PRKCA: variants seen among roughly 807,000 people sequenced by gnomAD.
PRKCA encodes the protein protein kinase C alpha type.
In PRKCA, 27 loss-of-function variants were observed where a neutral mutation model predicts 87.0. The observed-to-expected ratio is 0.31, with a 90% CI of 0.23 to 0.43. The LOEUF (loss-of-function observed/expected upper bound fraction) is 0.43. PRKCA is among the 20% of genes least tolerant of loss of function. PRKCA has a pLI of 1.00. For synonymous variants in PRKCA, 329 were observed against 311.1 expected (o/e 1.06, Z -0.61); for missense variants, 518 against 852.3 (o/e 0.61, Z 4.88).
chr17:66,512,373 C>T (rs747419082), intron 3 of PRKCA, among the ~76,000 whole-genome samples: 7 of 151,964 alleles, frequency 4.6e-5, no homozygotes, highest in African/African-American at 4.8e-5. Context: ...ACCTGGGAGG[C>T]GGATGTTGCA....
At chr17:66,353,155 C>G (rs1907852314) in intron 2 of PRKCA, among the ~76,000 whole-genome samples, 1 of 152,136 alleles carries the variant, frequency 6.6e-6, no homozygotes. Context: ...ATAAAGTCCC[C>G]TGGTTAAAGG....
intron 2 of PRKCA, among the ~76,000 whole-genome samples, chr17:66,384,633 A>G (rs1385401031): frequency 1.3e-5 from 2 of 149,896 alleles, no homozygotes; most frequent in African/African-American, 4.9e-5. Flanking sequence ...ACCTTAAATG[A>G]CTTTTTTTTT....
chr17:66,544,278 C>T (rs1968082565), intron 3 of PRKCA, among the ~76,000 whole-genome samples: 1 of 151,988 alleles, frequency 6.6e-6, no homozygotes, highest in Non-Finnish European at 1.5e-5. Context: ...AGAAGACCCC[C>T]ATGTAGTTCA....
intron 13 of PRKCA, among the ~76,000 whole-genome samples, chr17:66,765,422 A>ATATCTATATATCTATATATATATATATC (rs1568020882): frequency 9.7e-6 from 1 of 102,580 alleles, no homozygotes; most frequent in Non-Finnish European, 2.0e-5. Flanking sequence ...CTTTGTCTAT[A>ATATCTATATATCTATATATATATATATC]TATATATATA....
At chr17:66,729,084 C>T (rs960381887) in intron 8 of PRKCA, among the ~76,000 whole-genome samples, 1 of 152,146 alleles carries the variant, frequency 6.6e-6, no homozygotes, top group South Asian at 2.1e-4. Flanking sequence ...GTATTCTCAT[C>T]TCAAATTTGC....
intron 2 of PRKCA, among the ~76,000 whole-genome samples, chr17:66,427,173 A>C (rs1598662695): frequency 6.6e-6 from 1 of 152,140 alleles, no homozygotes; most frequent in Non-Finnish European, 1.5e-5. Context: ...CTGGGACTAC[A>C]GGTGTGTGCC....
intron 2 of PRKCA, among the ~76,000 whole-genome samples, chr17:66,427,220 C>T (rs921331715): frequency 1.2e-4 from 18 of 152,052 alleles, no homozygotes; most frequent in African/African-American, 4.3e-4. Flanking sequence ...CTCGTAGAGA[C>T]GAGGTTTTGC....
chr17:66,472,734 T>C (rs1915375538), intron 2 of PRKCA, among the ~76,000 whole-genome samples: 1 of 152,176 alleles, frequency 6.6e-6, no homozygotes, highest in Non-Finnish European at 1.5e-5. Flanking sequence ...TTGGAAAAGA[T>C]CTTTTGGGAT....
chr17:66,310,467 A>G (rs1023504307), intron 2 of PRKCA, among the ~76,000 whole-genome samples: 12 of 152,158 alleles, frequency 7.9e-5, no homozygotes, highest in Non-Finnish European at 1.3e-4. Context: ...TTTCCCTGCT[A>G]AGAACATAAC....
At chr17:66,316,258 T>C (rs1265810599) in intron 2 of PRKCA, among the ~76,000 whole-genome samples, 3 of 152,240 alleles carry the variant, frequency 2.0e-5, no homozygotes, top group East Asian at 1.9e-4. Flanking sequence ...TACTTCATGC[T>C]TTGCCACATA....
chr17:66,662,476 T>C (rs1222121540), intron 5 of PRKCA, among the ~76,000 whole-genome samples: 1 of 152,182 alleles, frequency 6.6e-6, no homozygotes, highest in African/African-American at 2.4e-5. Context: ...AGTTATTTCA[T>C]GGAATGAAAA....
intron 2 of PRKCA, among the ~76,000 whole-genome samples, chr17:66,384,467 A>T (rs1909936853): frequency 6.6e-6 from 1 of 152,234 alleles, no homozygotes; most frequent in Non-Finnish European, 1.5e-5. Flanking sequence ...TGATTTTTGA[A>T]GATTTGCTCA....
chr17:66,318,537 C>T (rs560849104), intron 2 of PRKCA, among the ~76,000 whole-genome samples: 3 of 152,024 alleles, frequency 2.0e-5, no homozygotes, highest in African/African-American at 7.2e-5. Context: ...CGGGCTGGAG[C>T]GGGAATAGTT....
intron 3 of PRKCA, among the ~76,000 whole-genome samples, chr17:66,527,661 T>A (rs1466824700): frequency 6.6e-6 from 1 of 152,234 alleles, no homozygotes. Context: ...CCAGGCCTCA[T>A]GGGTCAGCAT....
chr17:66,671,135 C>T (rs1388060435), intron 5 of PRKCA, among the ~76,000 whole-genome samples: 3 of 133,258 alleles, frequency 2.3e-5, no homozygotes, highest in Non-Finnish European at 3.1e-5. Context: ...GGCCTGAACC[C>T]GGGAGGCAGA....
intron 5 of PRKCA, chr17:66,676,659 A>T (rs531317575): frequency 6.6e-6 from 1 of 152,264 alleles, no homozygotes; most frequent in Non-Finnish European, 1.5e-5. Flanking sequence ...GGGTTGGCCA[A>T]TTGCAACAGG....
At chr17:66,520,140 T>G (rs1319214357) in intron 3 of PRKCA, among the ~76,000 whole-genome samples, 1 of 151,514 alleles carries the variant, frequency 6.6e-6, no homozygotes, top group Non-Finnish European at 1.5e-5. Context: ...TTTTTTTTTT[T>G]TTTTTAGACA....
chr17:66,319,895 C>A (rs141733296), intron 2 of PRKCA, among the ~76,000 whole-genome samples: 1 of 152,056 alleles, frequency 6.6e-6, no homozygotes, highest in South Asian at 2.1e-4. Context: ...GCGCCTGCCA[C>A]CACACCTGAC....
In PRKCA at chr17:66,712,201, G is replaced by A. The variant is rs184908864; in HGVS notation, c.919-20487G>A. 1.7e-3 allele frequency among the ~76,000 whole-genome samples: 257 copies of A among 152,218 alleles called. 1 individual carries two copies. The highest frequency in any genetic ancestry group is 6.0e-3 in the African/African-American group (248 of 41,538). Reference sequence around the variant, plus strand: ...GAGGCACCTCTTGATCACTCCAGGAGGTGGAAACAGTTCCTGTTTAAAAAC... The same window carrying A: ...GAGGCACCTCTTGATCACTCCAGGAAGTGGAAACAGTTCCTGTTTAAAAAC... On this transcript the variant is annotated intron_variant, in intron 8 of 16. Coordinates refer to ENST00000413366, the MANE Select transcript of PRKCA (RefSeq NM_002737.3).
Sources: gnomAD v4.1 joint callset for allele counts (sites outside exome capture counted in the v4.1 genomes callset) on GRCh38, gnomAD v4.1.1 for gene constraint, MANE v1.5 for transcripts, NCBI Gene and HGNC (gene_info 2026-07-23, HGNC 2026-07-21) for gene names.